FRYL: variants seen among roughly 807,000 people sequenced by gnomAD.
The protein encoded by FRYL is FRY like transcription coactivator.
Under a neutral mutation model 351.2 loss-of-function variants are expected in FRYL, and 150 were observed. That is an observed-to-expected ratio of 0.43 (90% CI 0.37 to 0.49). The LOEUF (loss-of-function observed/expected upper bound fraction) is 0.49. Among genes scored for constraint, FRYL ranks in the 20% least tolerant of loss-of-function variants. FRYL has a pLI of 0.00. For missense variants in FRYL, 3,036 were observed against 3,619.3 expected, an observed-to-expected ratio of 0.84 and a Z score of 4.13; for synonymous variants, 1,153 against 1,257.1, an observed-to-expected ratio of 0.92 and a Z score of 1.75.
At position 48,547,658 on chromosome 4, in the gene FRYL, A is replaced by G; in HGVS notation, c.5000T>C (p.Leu1667Pro). 1.2e-6 allele frequency: 2 copies of G among 1,608,162 alleles called. No individual in the cohort carries two copies. The highest frequency in any genetic ancestry group is 1.7e-5 in the Admixed American group (1 of 59,952). ...GGGCTCATTAAACTCCTTGTTCCTGAGAAGGACAGAAGCAACAGTTCGGAT... is the reference window on the plus strand; with the variant it reads ...GGGCTCATTAAACTCCTTGTTCCTGGGAAGGACAGAAGCAACAGTTCGGAT... ...SNIRTVASVLLRNKEFNEPRV... is the reference protein window; with the variant it reads ...SNIRTVASVLPRNKEFNEPRV... The change falls in exon 41 of 64, where the codon CTC (leucine) becomes CCC (proline). Residue 1667 changes from leucine (L) to proline (P), a missense_variant. This residue lies in a region of FRYL where 1,987 missense variants were observed against 2,311.7 expected (regional missense o/e 0.86). Coordinates refer to ENST00000358350, the MANE Select transcript of FRYL (RefSeq NM_015030.2).
At chr4:48,591,947 T>G (rs1280212311) in intron 16 of FRYL, among the ~76,000 whole-genome samples, 6 of 151,560 alleles carry the variant, frequency 4.0e-5, no homozygotes, top group African/African-American at 7.3e-5. Context: ...TGAATGCTCC[T>G]CTATCTGCAC....
intron 1 of FRYL, among the ~76,000 whole-genome samples, chr4:48,731,708 T>C (rs930655225): frequency 6.6e-6 from 1 of 152,130 alleles, no homozygotes; most frequent in African/African-American, 2.4e-5. Context: ...TAATAAATGG[T>C]GTTGGGAAAA....
At chr4:48,676,151 A>C (rs1763638827) in intron 3 of FRYL, among the ~76,000 whole-genome samples, 1 of 152,098 alleles carries the variant, frequency 6.6e-6, no homozygotes, top group African/African-American at 2.4e-5. Context: ...AAGAGAATAA[A>C]AGCAGGCTGC....
chr4:48,563,744 T>C (rs1228170833), intron 31 of FRYL, among the ~76,000 whole-genome samples: 1 of 149,742 alleles, frequency 6.7e-6, no homozygotes, highest in Non-Finnish European at 1.5e-5. Flanking sequence ...AGGATTTGCA[T>C]AGAGTAAATA....
At chr4:48,674,885 G>C (rs1763328139) in intron 3 of FRYL, among the ~76,000 whole-genome samples, 1 of 151,974 alleles carries the variant, frequency 6.6e-6, no homozygotes, top group South Asian at 2.1e-4. Flanking sequence ...TTCACTAAAA[G>C]TTTTATTTTA....
At chr4:48,768,778 G>A (rs1288102287) in intron 1 of FRYL, among the ~76,000 whole-genome samples, 7 of 151,608 alleles carry the variant, frequency 4.6e-5, no homozygotes, top group East Asian at 1.9e-4. Flanking sequence ...GTGACACAGC[G>A]AGTCTCTGTC....
intron 3 of FRYL, among the ~76,000 whole-genome samples, chr4:48,639,726 C>T (rs1471655818): frequency 2.6e-5 from 4 of 151,740 alleles, no homozygotes; most frequent in African/African-American, 9.7e-5. Context: ...AAAAGACAAG[C>T]CACAGATTGG....
Position 48,549,733 on chromosome 4 carries a change from A to T in FRYL, c.4634-110T>A, listed in dbSNP as rs1463016327. ...ATAGTATTGGAAAGTGATAAAAAAA[A>T]TTTCCCACTATTTCAACATGTTTGC... On this transcript the variant is annotated intron_variant, in intron 38 of 63. Coordinates refer to ENST00000358350, the MANE Select transcript of FRYL (RefSeq NM_015030.2). This position sits in a 1 kb window ranked among gnomAD's most constrained non-coding sequence, Gnocchi z 4.2. 3 of 821,424 alleles carry T rather than the reference A, an allele frequency of 3.7e-6. No individual in the cohort carries two copies. In the East Asian group the frequency reaches 8.6e-5, roughly 24 times the overall value. The allele number at this position is 821,424 out of a possible 1,614,324, so 50.9% of individuals were successfully genotyped here. A position where few individuals can be genotyped will look rare whatever the true frequency, so the allele number is the denominator to read the frequency against.
intron 1 of FRYL, among the ~76,000 whole-genome samples, chr4:48,738,901 G>A (rs890326247): frequency 6.6e-6 from 1 of 152,058 alleles, no homozygotes; most frequent in Admixed American, 6.6e-5. Context: ...TATTCTGTGA[G>A]TATTGACAAA....
At chr4:48,685,210 A>G (rs1765025753) in intron 2 of FRYL, among the ~76,000 whole-genome samples, 1 of 152,222 alleles carries the variant, frequency 6.6e-6, no homozygotes, top group Non-Finnish European at 1.5e-5. Flanking sequence ...ATAAGTTAAT[A>G]CCATTATAAT....
chr4:48,511,062 A>C (rs2148767428), intron 57 of FRYL, 78 bp from the exon 58 acceptor site: 1 of 823,234 alleles, frequency 1.2e-6, no homozygotes, highest in South Asian at 1.8e-5. Context: ...GAAGCATAAT[A>C]GGGTAGACTT....
intron 38 of FRYL, 153 bp downstream of exon 38, chr4:48,550,433 TAAAATC>T (rs1732450968): frequency 1.8e-6 from 1 of 568,140 alleles, no homozygotes; most frequent in African/African-American, 1.9e-5. Context: ...CGTTGCTTCT[TAAAATC>T]AAGATGTTTC....
chr4:48,615,629 T>C (rs1290999984), intron 7 of FRYL, among the ~76,000 whole-genome samples: 1 of 152,256 alleles, frequency 6.6e-6, no homozygotes, highest in Non-Finnish European at 1.5e-5. Context: ...ATGACTTTTT[T>C]AGAAAAGCAA....
intron 59 of FRYL, among the ~76,000 whole-genome samples, chr4:48,508,686 T>C (rs1721824587): frequency 1.3e-5 from 2 of 152,168 alleles, no homozygotes; most frequent in Admixed American, 6.6e-5. Flanking sequence ...CCAAGTTGGC[T>C]TCACTCATAT....
At chr4:48,778,308 G>A (rs1246705422) in intron 1 of FRYL, among the ~76,000 whole-genome samples, 2 of 149,002 alleles carry the variant, frequency 1.3e-5, no homozygotes, top group Non-Finnish European at 3.0e-5. Flanking sequence ...ATCGATGAAC[G>A]CTTTAAAAAG....
At chr4:48,674,919 T>G (rs1218898212) in intron 3 of FRYL, among the ~76,000 whole-genome samples, 1 of 152,162 alleles carries the variant, frequency 6.6e-6, no homozygotes, top group Non-Finnish European at 1.5e-5. Context: ...AATTCATGTT[T>G]ATTCCCCAGC....
chr4:48,698,469 C>CTG (rs1766417941), intron 2 of FRYL, among the ~76,000 whole-genome samples: 1 of 152,250 alleles, frequency 6.6e-6, no homozygotes, highest in Non-Finnish European at 1.5e-5. Context: ...AGTTACACAA[C>CTG]AGCTCCTGGC....
chr4:48,689,800 C>T (rs932431966), intron 2 of FRYL, among the ~76,000 whole-genome samples: 4 of 152,032 alleles, frequency 2.6e-5, no homozygotes, highest in Non-Finnish European at 5.9e-5. Flanking sequence ...CCTAATCCAA[C>T]CATTAATTAT....
chr4:48,619,196 T>A (rs1395911014), intron 7 of FRYL, 78 bp downstream of exon 7: 1 of 904,448 alleles, frequency 1.1e-6, no homozygotes, highest in Non-Finnish European at 1.8e-6. Context: ...AGACACAGCA[T>A]CTTAAAGTAA....
Sources: gnomAD v4.1 joint callset for allele counts (sites outside exome capture counted in the v4.1 genomes callset) on GRCh38, gnomAD v4.1.1 for gene constraint, gnomAD v4.1.1 regional missense constraint, Gnocchi (gnomAD v3.1) non-coding constraint, MANE v1.5 for transcripts, NCBI Gene and HGNC (gene_info 2026-07-23, HGNC 2026-07-21) for gene names.